The following HDAC4 variants were observed in gnomAD, a reference collection of about 807,000 sequenced individuals.
HDAC4 encodes histone deacetylase A.
In HDAC4, 16 loss-of-function variants were observed where a neutral mutation model predicts 135.1. The ratio of observed to expected loss-of-function variants is 0.12; its 90% CI spans 0.08 to 0.18. HDAC4 has a LOEUF of 0.18. Ranked by LOEUF, HDAC4 falls within the 10% of genes least tolerant of loss-of-function variation. The pLI, the probability that HDAC4 is intolerant of heterozygous loss-of-function variation, is 1.00. For missense variants in HDAC4, 1,143 were observed against 1,511.8 expected (o/e 0.76, Z 4.05); for synonymous variants, 685 against 653.4 (o/e 1.05, Z -0.74).
intron 2 of HDAC4, among the ~76,000 whole-genome samples, chr2:239,268,550 C>T (rs2049877976): frequency 6.6e-6 from 1 of 152,234 alleles, no homozygotes; most frequent in African/African-American, 2.4e-5. Flanking sequence ...CCAAGCATTT[C>T]CACAGTACAA....
At chr2:239,179,454 C>T (rs962102088) in intron 4 of HDAC4, among the ~76,000 whole-genome samples, 12 of 152,244 alleles carry the variant, frequency 7.9e-5, no homozygotes, top group Admixed American at 6.5e-4. Flanking sequence ...GTGAACTGTG[C>T]GTGTGGGGGA....
chr2:239,190,052 C>T lies in HDAC4; in HGVS notation c.120G>A (p.Leu40=), dbSNP rs749063177. Residue 40 remains leucine (L), a synonymous_variant, in exon 4 of 27, where the codon CTG becomes CTA. Coordinates refer to ENST00000543185, the MANE Select transcript of HDAC4 (RefSeq NM_001378414.1). Reference sequence around the variant, plus strand: ...TGGGCACTGCCGAGGGGGCCACTTGCAGAGGCAGCGCCGTGGCCACATCCA... The same window carrying T: ...TGGGCACTGCCGAGGGGGCCACTTGTAGAGGCAGCGCCGTGGCCACATCCA... ...STVDVATALP[L]QVAPSAVPMD... 1 of 1,602,280 alleles carries T rather than the reference C, an allele frequency of 6.2e-7. No homozygotes were observed.
chr2:239,335,962 A>G (rs2125841759), intron 2 of HDAC4, among the ~76,000 whole-genome samples: 1 of 152,356 alleles, frequency 6.6e-6, no homozygotes, highest in Non-Finnish European at 1.5e-5. Context: ...ACATAATTCC[A>G]AACTGGAAAC....
At position 239,139,896 on chromosome 2, in the gene HDAC4, G is replaced by A. The variant is rs977186615; in HGVS notation, c.866-100C>T. 1.7e-5 allele frequency: 15 copies of A among 868,152 alleles called. No homozygotes were observed. The highest frequency in any genetic ancestry group is 2.3e-5 in the Non-Finnish European group (12 of 523,958). 53.8% of individuals were successfully genotyped at this position (868,152 alleles called of 1,614,324 possible). A position where few individuals can be genotyped will look rare whatever the true frequency, so the allele number is the denominator to read the frequency against. On this transcript the variant is annotated intron_variant, in intron 8 of 26. Coordinates refer to ENST00000543185, the MANE Select transcript of HDAC4 (RefSeq NM_001378414.1). This position sits in a 1 kb window ranked among gnomAD's most constrained non-coding sequence, Gnocchi z 5.3. ...CCCGGTGCCTTCCACGGACCTGCTC[G>A]TTAGCTTGCGACAGGCAGAAGTCCC...
intron 5 of HDAC4, among the ~76,000 whole-genome samples, chr2:239,165,702 C>T (rs543036480): frequency 4.6e-5 from 7 of 152,324 alleles, no homozygotes; most frequent in East Asian, 3.9e-4. Flanking sequence ...GTCTCATGGA[C>T]GCCCTGGTTC....
chr2:239,117,392 T>C (rs138434252), intron 12 of HDAC4, among the ~76,000 whole-genome samples: 5 of 152,228 alleles, frequency 3.3e-5, no homozygotes, highest in Non-Finnish European at 7.3e-5. Flanking sequence ...GAAGCAGCTC[T>C]AGGCCCAGGG....
intron 3 of HDAC4, among the ~76,000 whole-genome samples, chr2:239,199,204 T>C (rs1040205922): frequency 1.3e-5 from 2 of 151,764 alleles, no homozygotes; most frequent in East Asian, 1.9e-4. Flanking sequence ...CAAGGCTCTG[T>C]CCCCCGTTCT....
At chr2:239,117,617 T>C (rs2039261344) in intron 12 of HDAC4, among the ~76,000 whole-genome samples, 2 of 148,666 alleles carry the variant, frequency 1.3e-5, no homozygotes, top group South Asian at 4.2e-4. Context: ...GGTCTGGAGT[T>C]AGACTAGGAA....
At chr2:239,197,803 T>C (rs1386220413) in intron 3 of HDAC4, among the ~76,000 whole-genome samples, 2 of 151,900 alleles carry the variant, frequency 1.3e-5, no homozygotes, top group Admixed American at 1.3e-4. Context: ...AGATAAAATA[T>C]CTTGTCTAGT....
chr2:239,213,141 C>T (rs1283413927), intron 3 of HDAC4, among the ~76,000 whole-genome samples: 1 of 149,614 alleles, frequency 6.7e-6, no homozygotes, highest in African/African-American at 2.4e-5. Flanking sequence ...GAATATGAGA[C>T]GGCCACGATG....
intron 3 of HDAC4, chr2:239,190,920 C>T: frequency 1.1e-5 from 5 of 467,606 alleles, no homozygotes; most frequent in East Asian, 7.0e-5. Context: ...GCCCGACCTG[C>T]GCACCCCTTT....
chr2:239,296,135 C>T (rs2051875042), intron 2 of HDAC4, among the ~76,000 whole-genome samples: 1 of 152,216 alleles, frequency 6.6e-6, no homozygotes, highest in South Asian at 2.1e-4. Context: ...CAAACTGGAG[C>T]CTGCACAGGC....
chr2:239,148,276 G>C (rs2041892957), intron 7 of HDAC4, among the ~76,000 whole-genome samples: 1 of 152,108 alleles, frequency 6.6e-6, no homozygotes, highest in African/African-American at 2.4e-5. Flanking sequence ...GGAAGGGGCT[G>C]GAGAAAAAGT....
chr2:239,210,437 C>T (rs191115000), intron 3 of HDAC4, among the ~76,000 whole-genome samples: 16 of 152,314 alleles, frequency 1.1e-4, no homozygotes, highest in African/African-American at 3.6e-4. Flanking sequence ...CATACTTACA[C>T]GGCAAAACTA....
intron 7 of HDAC4, chr2:239,154,770 C>T (rs185401212): frequency 5.3e-5 from 8 of 152,294 alleles, no homozygotes; most frequent in East Asian, 3.9e-4. Flanking sequence ...TCTCTAAATC[C>T]GTTCTTTCTG....
chr2:239,106,574 C>T (rs774615983), intron 15 of HDAC4, among the ~76,000 whole-genome samples: 27 of 152,274 alleles, frequency 1.8e-4, no homozygotes, highest in South Asian at 8.3e-4. Context: ...GGCTCCTCCC[C>T]GCCTTCCTCC....
intron 18 of HDAC4, among the ~76,000 whole-genome samples, chr2:239,088,100 T>A (rs1395976505): frequency 1.3e-5 from 2 of 152,186 alleles, no homozygotes; most frequent in Admixed American, 1.3e-4. Context: ...CTTACTGCAG[T>A]TCAGCTCTCA....
At chr2:239,053,977 G>A (rs1354118161) in intron 25 of HDAC4, among the ~76,000 whole-genome samples, 1 of 151,970 alleles carries the variant, frequency 6.6e-6, no homozygotes, top group African/African-American at 2.4e-5. Flanking sequence ...GAGCAGGTGA[G>A]CTGGGGGATT....
At chr2:239,372,276 G>C (rs1694676023) in intron 1 of HDAC4, among the ~76,000 whole-genome samples, 1 of 152,180 alleles carries the variant, frequency 6.6e-6, no homozygotes, top group Non-Finnish European at 1.5e-5. Flanking sequence ...CACTGGAAGG[G>C]CCCAGCTACT....
Sources: allele counts gnomAD v4.1 joint callset (sites outside exome capture counted in the v4.1 genomes callset), GRCh38; gene constraint gnomAD v4.1.1; non-coding constraint Gnocchi (gnomAD v3.1); transcripts MANE v1.5; gene names NCBI Gene and HGNC (gene_info 2026-07-23, HGNC 2026-07-21).